TENM2: variants seen among roughly 807,000 people sequenced by gnomAD.
TENM2 encodes teneurin-2.
TENM2 carries 52 observed loss-of-function variants against 245.2 expected under a neutral mutation model. The ratio of observed to expected loss-of-function variants is 0.21; its 90% CI spans 0.17 to 0.27. The LOEUF (loss-of-function observed/expected upper bound fraction) is 0.27. TENM2 is among the 10% of genes least tolerant of loss of function. TENM2 has a pLI of 1.00. For missense variants in TENM2, 3,046 were observed against 3,666.8 expected, an observed-to-expected ratio of 0.83 and a Z score of 4.37; for synonymous variants, 1,363 against 1,438.9, an observed-to-expected ratio of 0.95 and a Z score of 1.19.
the TENM2 span, among the ~76,000 whole-genome samples, chr5:167,062,840 T>G: frequency 2.0e-5 from 3 of 152,164 alleles, no homozygotes; most frequent in Non-Finnish European, 4.4e-5. Context: ...AGAAAATAGT[T>G]TAAATCCAAA....
chr5:167,694,826 T>G lies in TENM2; in HGVS notation c.503-181160T>G, dbSNP rs184590589. ...ATCACATTGTTCATCAGAAGGGATT[T>G]TAATGTTTACATGCAGAAAAAAAAA... On this transcript the variant is annotated intron_variant, in intron 2 of 28. Transcript: ENST00000518659. Among the ~76,000 whole-genome samples the G allele has an allele frequency of 4.5e-3, 678 of 152,306 alleles. 3 individuals carry two copies. The highest frequency in any genetic ancestry group is 5.3e-3 in the Non-Finnish European group (363 of 68,026).
the TENM2 span, among the ~76,000 whole-genome samples, chr5:167,048,899 T>G: frequency 6.6e-6 from 1 of 152,176 alleles, no homozygotes; most frequent in Non-Finnish European, 1.5e-5. Context: ...TTTGTTTTCC[T>G]TTGAAAATGT....
At chr5:168,239,114 G>T (rs111488978) in intron 25 of TENM2, among the ~76,000 whole-genome samples, 53 of 152,026 alleles carry the variant, frequency 3.5e-4, no homozygotes, top group Non-Finnish European at 6.8e-4. Context: ...GCTCTAAACT[G>T]GGGGGGCAGG....
chr5:167,069,187 A>T, the TENM2 span, among the ~76,000 whole-genome samples: 1 of 152,190 alleles, frequency 6.6e-6, no homozygotes. Context: ...CTTAATTTCC[A>T]TTAAGGGAGC....
intron 2 of TENM2, among the ~76,000 whole-genome samples, chr5:167,463,673 A>G (rs1766467813): frequency 6.6e-6 from 1 of 151,642 alleles, no homozygotes; most frequent in Non-Finnish European, 1.5e-5. Context: ...TAATGTTTGT[A>G]TTTTTAGTAG....
At chr5:167,126,937 C>T in the TENM2 span, among the ~76,000 whole-genome samples, 829 of 151,724 alleles carry the variant, frequency 5.5e-3, 7 homozygotes, top group African/African-American at 0.019. Flanking sequence ...AGTTATTTGA[C>T]GATCTCTAAA....
At chr5:167,456,167 A>G (rs1765910658) in intron 2 of TENM2, among the ~76,000 whole-genome samples, 1 of 152,188 alleles carries the variant, frequency 6.6e-6, no homozygotes, top group African/African-American at 2.4e-5. Context: ...AACTGGCAGT[A>G]TGGAACAGGA....
At chr5:167,434,891 A>G (rs1764452503) in intron 2 of TENM2, among the ~76,000 whole-genome samples, 1 of 152,220 alleles carries the variant, frequency 6.6e-6, no homozygotes, top group Non-Finnish European at 1.5e-5. Flanking sequence ...GAAGAAAATT[A>G]TAGATTCAGA....
intron 13 of TENM2, among the ~76,000 whole-genome samples, chr5:168,184,483 C>T (rs1010033913): frequency 6.6e-6 from 1 of 152,194 alleles, no homozygotes; most frequent in African/African-American, 2.4e-5. Context: ...AGTTCATGCA[C>T]ATTGGAGAGA....
At chr5:167,400,349 G>C (rs908853299) in intron 2 of TENM2, among the ~76,000 whole-genome samples, 1 of 152,070 alleles carries the variant, frequency 6.6e-6, no homozygotes, top group Non-Finnish European at 1.5e-5. Context: ...CATAGAGAGA[G>C]GGAGGATTCT....
intron 2 of TENM2, among the ~76,000 whole-genome samples, chr5:167,465,679 A>C (rs372046150): frequency 1.3e-5 from 2 of 152,144 alleles, no homozygotes; most frequent in African/African-American, 2.4e-5. Context: ...AATACAAAAA[A>C]AATTAGCCGG....
intron 2 of TENM2, among the ~76,000 whole-genome samples, chr5:167,512,101 GTTGAATATCAATAAGAT>G (rs1291990492): frequency 6.6e-6 from 1 of 152,122 alleles, no homozygotes; most frequent in East Asian, 1.9e-4. Flanking sequence ...TTTGAAAGCA[GTTGAATATCAATAAGAT>G]TTGACTATTA....
intron 4 of TENM2, among the ~76,000 whole-genome samples, chr5:167,977,246 C>A (rs963543455): frequency 1.3e-5 from 2 of 152,006 alleles, no homozygotes; most frequent in African/African-American, 2.4e-5. Context: ...ACCTGGGTGA[C>A]AAAATAACCT....
chr5:167,133,863 TTAAC>T, the TENM2 span, among the ~76,000 whole-genome samples: 1 of 151,746 alleles, frequency 6.6e-6, no homozygotes, highest in East Asian at 1.9e-4. Context: ...GGCCCTGAAA[TTAAC>T]TAATTTTCAT....
At chr5:168,088,976 TC>T (rs1792696526) in intron 7 of TENM2, among the ~76,000 whole-genome samples, 1 of 152,192 alleles carries the variant, frequency 6.6e-6, no homozygotes, top group African/African-American at 2.4e-5. Flanking sequence ...GATTGCTTAA[TC>T]CTACAGTGGT....
intron 2 of TENM2, among the ~76,000 whole-genome samples, chr5:167,462,462 G>A (rs539372962): frequency 2.0e-5 from 3 of 152,266 alleles, no homozygotes; most frequent in African/African-American, 7.2e-5. Flanking sequence ...TTCTTGTCCA[G>A]CGTCCAGGAA....
At chr5:167,158,044 A>T in the TENM2 span, among the ~76,000 whole-genome samples, 3 of 152,126 alleles carry the variant, frequency 2.0e-5, no homozygotes, top group Non-Finnish European at 4.4e-5. Context: ...CTCTTTTTTT[A>T]ACTTTGAAAA....
the TENM2 span, among the ~76,000 whole-genome samples, chr5:167,011,686 G>A: frequency 6.6e-6 from 1 of 152,318 alleles, no homozygotes; most frequent in South Asian, 2.1e-4. Context: ...AAGAAAATTT[G>A]AGACTACCCA....
intron 2 of TENM2, among the ~76,000 whole-genome samples, chr5:167,866,662 C>G (rs2151317787): frequency 6.6e-6 from 1 of 152,158 alleles, no homozygotes; most frequent in East Asian, 1.9e-4. Context: ...AGAGTTTAAA[C>G]TATACTATAG....
Sources: gnomAD v4.1 joint callset for allele counts (sites outside exome capture counted in the v4.1 genomes callset) on GRCh38, gnomAD v4.1.1 for gene constraint, MANE v1.5 for transcripts, NCBI Gene and HGNC (gene_info 2026-07-23, HGNC 2026-07-21) for gene names.